The following FMN1 variants were observed in gnomAD, a reference collection of about 807,000 sequenced individuals.
The protein encoded by FMN1 is formin 1.
A neutral mutation model predicts 132.4 loss-of-function variants in FMN1; 110 were observed. That is an observed-to-expected ratio of 0.83 (90% CI 0.71 to 0.97). The LOEUF (loss-of-function observed/expected upper bound fraction) is 0.97. Ranked by LOEUF, FMN1 falls within the 50% of genes least tolerant of loss-of-function variation. The pLI, the probability that FMN1 is intolerant of heterozygous loss-of-function variation, is 0.00. For missense variants in FMN1, 1,792 were observed against 1,705.3 expected, an observed-to-expected ratio of 1.05 and a Z score of -0.90; for synonymous variants, 722 against 651.7, an observed-to-expected ratio of 1.11 and a Z score of -1.64.
intron 6 of FMN1, chr15:33,012,508 G>A: frequency 8.9e-6 from 13 of 1,462,380 alleles, no homozygotes; most frequent in Non-Finnish European, 1.2e-5. Context: ...TGGAAAAATG[G>A]AAGTGATTGA....
At chr15:33,100,922 GAAA>G (rs2039269053) in intron 4 of FMN1, among the ~76,000 whole-genome samples, 1 of 152,058 alleles carries the variant, frequency 6.6e-6, no homozygotes, top group South Asian at 2.1e-4. Flanking sequence ...TAATACATAA[GAAA>G]ATGTTCACAA....
At chr15:33,113,021 A>T (rs1292192364) in intron 4 of FMN1, among the ~76,000 whole-genome samples, 1 of 152,214 alleles carries the variant, frequency 6.6e-6, no homozygotes, top group Non-Finnish European at 1.5e-5. Flanking sequence ...TTTCTTCACA[A>T]TGCCTCAGTG....
At chr15:33,097,680 A>G (rs1231711955) in intron 4 of FMN1, among the ~76,000 whole-genome samples, 1 of 152,174 alleles carries the variant, frequency 6.6e-6, no homozygotes, top group Non-Finnish European at 1.5e-5. Context: ...CATAATGATA[A>G]AAGAGTCACT....
chr15:32,997,456 C>A (rs2033840935), intron 7 of FMN1, among the ~76,000 whole-genome samples: 1 of 151,904 alleles, frequency 6.6e-6, no homozygotes, highest in African/African-American at 2.4e-5. Context: ...GAATACATAT[C>A]AAATTTAGAA....
chr15:33,165,504 C>T (rs546850477), intron 3 of FMN1, among the ~76,000 whole-genome samples: 3 of 152,312 alleles, frequency 2.0e-5, no homozygotes, highest in South Asian at 4.1e-4. Flanking sequence ...CATTCTCTTG[C>T]CTCAGCCTCC....
chr15:32,833,488 T>C (rs1212165084), intron 17 of FMN1, among the ~76,000 whole-genome samples: 1 of 152,148 alleles, frequency 6.6e-6, no homozygotes. Flanking sequence ...CATGATCTAA[T>C]AAGCCCCAAT....
intron 17 of FMN1, among the ~76,000 whole-genome samples, chr15:32,841,832 T>TA (rs1321097967): frequency 1.3e-5 from 2 of 152,196 alleles, no homozygotes; most frequent in African/African-American, 4.8e-5. Context: ...ATCTCACACT[T>TA]AAAGATTATA....
intron 13 of FMN1, among the ~76,000 whole-genome samples, chr15:32,900,622 A>G (rs1368550228): frequency 1.3e-5 from 2 of 152,264 alleles, no homozygotes; most frequent in African/African-American, 4.8e-5. Flanking sequence ...GAGCTAAACT[A>G]CAATAATGCA....
intron 7 of FMN1, among the ~76,000 whole-genome samples, chr15:32,979,752 C>A (rs200728586): frequency 6.6e-6 from 1 of 151,804 alleles, no homozygotes; most frequent in Non-Finnish European, 1.5e-5. Context: ...AACCCAGGAC[C>A]TACCATCAAA....
chr15:32,985,219 G>C lies in FMN1; in HGVS notation c.2224-15742C>G, dbSNP rs191120489. Among the ~76,000 whole-genome samples, 303 of 152,132 alleles carry C rather than the reference G, an allele frequency of 2.0e-3. 1 individual carries two copies. The highest frequency in any genetic ancestry group is 3.0e-3 in the Admixed American group (46 of 15,270). On this transcript the variant is annotated intron_variant, in intron 7 of 20. Transcript: ENST00000616417. ...AACAGCTTCCTAAACTACCCAATTT[G>C]GTGGATTTTTTCCTCATTCTCCTTT...
chr15:32,940,915 G>C (rs1019365670), intron 9 of FMN1, among the ~76,000 whole-genome samples: 13 of 152,158 alleles, frequency 8.5e-5, no homozygotes, highest in African/African-American at 2.9e-4. Context: ...ACATTTGATT[G>C]TTAGACGTTA....
At chr15:32,945,414 T>C (rs950611228) in intron 9 of FMN1, among the ~76,000 whole-genome samples, 1 of 152,124 alleles carries the variant, frequency 6.6e-6, no homozygotes, top group Non-Finnish European at 1.5e-5. Context: ...CTAAAACCTC[T>C]AAATAACAAA....
At chr15:33,000,769 C>G (rs1320689046) in intron 7 of FMN1, among the ~76,000 whole-genome samples, 1 of 152,216 alleles carries the variant, frequency 6.6e-6, no homozygotes, top group Non-Finnish European at 1.5e-5. Flanking sequence ...ATAAGCTATA[C>G]AGCATTCTCT....
At chr15:32,933,271 T>C (rs2061168221) in intron 9 of FMN1, among the ~76,000 whole-genome samples, 1 of 152,220 alleles carries the variant, frequency 6.6e-6, no homozygotes, top group African/African-American at 2.4e-5. Context: ...AATTTCCCTG[T>C]ATGTATAATG....
At chr15:32,823,347 G>A (rs1334012886) in intron 17 of FMN1, among the ~76,000 whole-genome samples, 1 of 151,704 alleles carries the variant, frequency 6.6e-6, no homozygotes, top group Non-Finnish European at 1.5e-5. Flanking sequence ...TGTATTTTTA[G>A]TAGAGACAGG....
At chr15:33,168,579 G>T (rs1965198042) in intron 3 of FMN1, among the ~76,000 whole-genome samples, 1 of 152,170 alleles carries the variant, frequency 6.6e-6, no homozygotes, top group African/African-American at 2.4e-5. Context: ...CATTAAGTTT[G>T]CCTCAAGTCA....
chr15:33,067,157 A>T, intron 5 of FMN1: 1 of 1,613,968 alleles, frequency 6.2e-7, no homozygotes, highest in Non-Finnish European at 8.5e-7. Flanking sequence ...TACTGCAGGT[A>T]GGTCTTGGGA....
At chr15:32,851,487 G>A (rs995017365) in intron 17 of FMN1, among the ~76,000 whole-genome samples, 1 of 152,128 alleles carries the variant, frequency 6.6e-6, no homozygotes, top group Non-Finnish European at 1.5e-5. Flanking sequence ...GGGAAAGCAG[G>A]AGCTCACAAA....
chr15:33,059,942 T>C (rs1270983781), intron 6 of FMN1, among the ~76,000 whole-genome samples: 2 of 152,250 alleles, frequency 1.3e-5, no homozygotes, highest in African/African-American at 4.8e-5. Flanking sequence ...TTAGTTCCCA[T>C]TTATGTTGGG....
Sources: gnomAD v4.1 joint callset for allele counts (sites outside exome capture counted in the v4.1 genomes callset) on GRCh38, gnomAD v4.1.1 for gene constraint, MANE v1.5 for transcripts, NCBI Gene and HGNC (gene_info 2026-07-23, HGNC 2026-07-21) for gene names.